DMD: variants seen among roughly 807,000 people sequenced by gnomAD.
DMD encodes dystrophin.
DMD carries 63 observed loss-of-function variants against 330.1 expected under a neutral mutation model. That is an observed-to-expected ratio of 0.19 (90% confidence interval 0.16 to 0.24). The LOEUF (loss-of-function observed/expected upper bound fraction) is 0.24. Ranked by LOEUF, DMD falls within the 10% of genes least tolerant of loss-of-function variation. The pLI is 1.00. For missense variants in DMD, 3,344 were observed against 2,684.1 expected (o/e 1.25, Z -5.43); for synonymous variants, 1,223 against 959.8 (o/e 1.27, Z -5.07).
chrX:32,474,041 A>G (rs1040847393), intron 21 of DMD, among the ~76,000 whole-genome samples: 5 of 110,731 alleles, frequency 4.5e-5, no homozygotes, highest in African/African-American at 1.6e-4. Context: ...GTGTGTCCTC[A>G]TAGATTATCT....
chrX:32,196,350 G>A (rs183761674), intron 44 of DMD, among the ~76,000 whole-genome samples: 48 of 111,953 alleles, frequency 4.3e-4, no homozygotes, highest in African/African-American at 1.5e-3. Flanking sequence ...AGAAAACCAG[G>A]CTCCAGATAT....
chrX:31,380,131 T>G lies in DMD; in HGVS notation c.9085-31497A>C, dbSNP rs767623230. Reference sequence around the variant, plus strand: ...TTTTCAAGGGCCTGTTTCCCTTACCTCCATAACTGTTGTAGGTATTGACGG... The same window carrying G: ...TTTTCAAGGGCCTGTTTCCCTTACCGCCATAACTGTTGTAGGTATTGACGG... On this transcript the variant is annotated intron_variant, in intron 60 of 78. Transcript: ENST00000357033. Among the ~76,000 whole-genome samples, 13 of 110,996 alleles carry G rather than the reference T, an allele frequency of 1.2e-4. No individual in the cohort carries two copies. In the East Asian group the frequency reaches 3.7e-3, roughly 31 times the overall value.
intron 1 of DMD, among the ~76,000 whole-genome samples, chrX:33,239,211 C>T (rs1404167437): frequency 1.0e-5 from 1 of 96,974 alleles, no homozygotes. Context: ...GAGCCGAGAT[C>T]CCACCACTGC....
chrX:31,521,670 G>A (rs1300881618), intron 55 of DMD, among the ~76,000 whole-genome samples: 1 of 111,985 alleles, frequency 8.9e-6, no homozygotes, highest in Non-Finnish European at 1.9e-5. Flanking sequence ...CCCTTCTAAG[G>A]CAGGGGTAGA....
intron 11 of DMD, among the ~76,000 whole-genome samples, chrX:32,636,929 C>T (rs1046896333): frequency 9.1e-6 from 1 of 109,415 alleles, no homozygotes; most frequent in Non-Finnish European, 1.9e-5. Context: ...ACCCGGGGGG[C>T]GGAGCTTGCA....
At chrX:32,787,245 T>TGAGA (rs1199431495) in intron 7 of DMD, among the ~76,000 whole-genome samples, 10 of 81,397 alleles carry the variant, frequency 1.2e-4, no homozygotes, top group South Asian at 5.2e-4. Flanking sequence ...TGTGTGTGTG[T>TGAGA]GTGAGAGAGA....
chrX:32,284,790 T>C (rs1462401014), intron 43 of DMD, among the ~76,000 whole-genome samples: 1 of 112,282 alleles, frequency 8.9e-6, no homozygotes, highest in East Asian at 2.8e-4. Context: ...GTATCTGAGA[T>C]TGTACTAAAA....
intron 1 of DMD, among the ~76,000 whole-genome samples, chrX:33,185,803 A>G (rs1408247140): frequency 8.9e-6 from 1 of 111,904 alleles, no homozygotes; most frequent in African/African-American, 3.3e-5. Context: ...TAACAATTTT[A>G]AGAATTCCAA....
chrX:31,223,570 T>C (rs1288903212), intron 63 of DMD, among the ~76,000 whole-genome samples: 3 of 112,686 alleles, frequency 2.7e-5, no homozygotes, highest in Non-Finnish European at 5.6e-5. Context: ...AAGTTATACA[T>C]GCTCACTTTG....
intron 23 of DMD, among the ~76,000 whole-genome samples, chrX:32,466,811 C>T (rs1053130209): frequency 9.0e-6 from 1 of 111,688 alleles, no homozygotes; most frequent in South Asian, 3.8e-4. Flanking sequence ...CAGACTCTGT[C>T]GCAAAGCCTC....
intron 44 of DMD, among the ~76,000 whole-genome samples, chrX:32,210,286 C>T (rs1436737833): frequency 8.9e-6 from 1 of 112,031 alleles, no homozygotes; most frequent in Non-Finnish European, 1.9e-5. Context: ...GTTACAGAAA[C>T]CAGGATAGCT....
At chrX:33,223,175 G>A (rs1033487696) in intron 1 of DMD, among the ~76,000 whole-genome samples, 5 of 111,357 alleles carry the variant, frequency 4.5e-5, no homozygotes, top group African/African-American at 1.6e-4. Context: ...GCTGGGAGTG[G>A]TGGCACACGC....
chrX:31,905,649 G>A (rs1317460023), intron 47 of DMD, among the ~76,000 whole-genome samples: 1 of 109,960 alleles, frequency 9.1e-6, no homozygotes, highest in African/African-American at 3.3e-5. Flanking sequence ...AGACGAGATG[G>A]GGAAAAGAGC....
chrX:31,875,615 T>A (rs1174653139), intron 47 of DMD, among the ~76,000 whole-genome samples: 1 of 112,095 alleles, frequency 8.9e-6, no homozygotes, highest in African/African-American at 3.2e-5. Context: ...TAATACCTTT[T>A]TGGAATTTCA....
chrX:31,203,002 C>T (rs147083316), intron 67 of DMD, among the ~76,000 whole-genome samples: 5,840 of 111,719 alleles, frequency 0.052, 150 homozygotes, highest in East Asian at 0.17. Context: ...AAATTAGAGG[C>T]CAGGCACGGT....
At chrX:31,361,807 T>C (rs1007363882) in intron 60 of DMD, among the ~76,000 whole-genome samples, 2 of 103,532 alleles carry the variant, frequency 1.9e-5, no homozygotes, top group African/African-American at 3.6e-5. Flanking sequence ...TCCTGCTCTG[T>C]TGCCCAGTCT....
intron 7 of DMD, among the ~76,000 whole-genome samples, chrX:32,717,116 C>G (rs1398124650): frequency 9.0e-6 from 1 of 111,230 alleles, no homozygotes; most frequent in Admixed American, 9.6e-5. Context: ...GGGGGAAATT[C>G]AAGCTGTCTG....
chrX:31,147,108 GT>G (rs2036806678), intron 75 of DMD, among the ~76,000 whole-genome samples, 166 bp downstream of exon 75: 1 of 111,995 alleles, frequency 8.9e-6, no homozygotes. Flanking sequence ...AGACACACTA[GT>G]TTTTCTATCT....
chrX:31,944,964 A>T (rs1266041552), intron 45 of DMD, among the ~76,000 whole-genome samples: 1 of 111,834 alleles, frequency 8.9e-6, no homozygotes, highest in Non-Finnish European at 1.9e-5. Context: ...GGTATGAAGA[A>T]ATCCACCACA....
Sources: allele counts gnomAD v4.1 joint callset (sites outside exome capture counted in the v4.1 genomes callset), GRCh38; gene constraint gnomAD v4.1.1; transcripts MANE v1.5; gene names NCBI Gene and HGNC (gene_info 2026-07-23, HGNC 2026-07-21).